The following WNK2 variants were observed in gnomAD, a reference collection of about 807,000 sequenced individuals.
WNK2 encodes serine/threonine-protein kinase WNK2.
Under a neutral mutation model 192.1 loss-of-function variants are expected in WNK2, and 67 were observed. That is an observed-to-expected ratio of 0.35 (90% CI 0.29 to 0.43). WNK2 has a LOEUF of 0.43. Ranked by LOEUF, WNK2 falls within the 20% of genes least tolerant of loss-of-function variation. WNK2 has a pLI of 1.00. For synonymous variants in WNK2, 1,439 were observed against 1,393.9 expected (o/e 1.03, Z -0.72); for missense variants, 2,698 against 3,089.7 (o/e 0.87, Z 3.01).
At position 93,237,857 on chromosome 9, in the gene WNK2, CTT is replaced by C. The variant is rs35498888; in HGVS notation, c.1234-363_1234-362del. Among the ~76,000 whole-genome samples the C allele has an allele frequency of 3.5e-3, 510 of 143,868 alleles. 1 individual carries two copies. Among genetic ancestry groups the C allele is most frequent in the African/African-American group, 9.8e-3 (387 of 39,364 alleles). 94.4% of individuals were successfully genotyped at this position (143,868 alleles called of 152,430 possible). On this transcript the variant is annotated intron_variant, in intron 5 of 29. Coordinates refer to ENST00000427277, the MANE Select transcript of WNK2 (RefSeq NM_006648.4). ...GACCAAGGTGCAGATACTTGGGGCT[CTT>C]TTTTTTTTTTTTGCTGTATGTTCTC...
At position 93,229,828 on chromosome 9, in the gene WNK2, G is replaced by T; in HGVS notation, c.814G>T (p.Val272Leu). ...CAGCGCCAAGGGCAAGCGGTGCATT[G>T]TGCTGGTGACGGAGCTGATGACCTC... ...ESSAKGKRCI[V>L]LVTELMTSGT... Residue 272 changes from valine (V) to leucine (L), a missense_variant, in exon 3 of 30, where the codon GTG becomes TTG. By Grantham distance (32) the Val-to-Leu change is conservative. This residue lies in a region of WNK2 where 230 missense variants were observed against 501.1 expected (regional missense o/e 0.46). Transcript: ENST00000427277. This position sits in a 1 kb window ranked among gnomAD's most constrained non-coding sequence, Gnocchi z 4.9. The T allele has an allele frequency of 6.2e-7, 1 of 1,613,940 alleles. No homozygotes were observed. The highest frequency in any genetic ancestry group is 8.5e-7 in the Non-Finnish European group (1 of 1,179,870).
At position 93,188,766 on chromosome 9, in the gene WNK2, C is replaced by T. The variant is rs530269560; in HGVS notation, c.681+3156C>T. ...CTGCCACCTGCCATAGCCGGCCCAG[C>T]TACCCTGGGGGTGCTGATCTGGGTC... On this transcript the variant is annotated intron_variant, in intron 2 of 29. Transcript: ENST00000427277. Among the ~76,000 whole-genome samples, 6 of 152,290 alleles carry T rather than the reference C, an allele frequency of 3.9e-5. No homozygotes were observed. The East Asian group carries it at 1.2e-3, about 29-fold the overall frequency.
chr9:93,195,022 TAAA>T (rs78816049), intron 2 of WNK2, among the ~76,000 whole-genome samples: 10 of 140,056 alleles, frequency 7.1e-5, no homozygotes, highest in African/African-American at 2.1e-4. Context: ...TGAAGACAGT[TAAA>T]AAAAAAAAAA....
chr9:93,259,587 T>G lies in WNK2; in HGVS notation c.3039T>G (p.Ala1013=). The part of the protein sequence containing the change: ...EPLQPHLPEQ[A]APAATPGSQI... ...TCCAGCCCCACCTTCCTGAACAAGC[T>G]GCTCCAGCTGCTACACCAGGGAGCC... is the stretch of plus-strand genomic sequence containing the variant. The change falls in exon 12 of 30, where the codon GCT becomes GCG. Residue 1013 remains alanine, a synonymous_variant. Transcript: ENST00000427277. This position sits in a 1 kb window ranked among gnomAD's most constrained non-coding sequence, Gnocchi z 4.8. The G allele has an allele frequency of 5.0e-6, 8 of 1,592,130 alleles. No homozygotes were observed. The highest frequency in any genetic ancestry group is 6.8e-6 in the Non-Finnish European group (8 of 1,176,560).
Position 93,300,069 on chromosome 9 carries a change from C to G in WNK2, c.6134C>G (p.Pro2045Arg), listed in dbSNP as rs1311970988. The change falls in exon 26 of 30, where the codon CCA (proline) becomes CGA (arginine). Residue 2045 changes from proline to arginine, a missense_variant. By Grantham distance (103) the Pro-to-Arg change is moderately radical (BLOSUM62 -2). Transcript: ENST00000427277. ...ARGQGWTVYH[P>R]TSERVTYKSS... The stretch of plus-strand genomic sequence containing the variant: ...TTTGCAGGCTGGACGGTTTACCACC[C>G]AACGTCTGAGAGAGTGACCTATAAG... 6.2e-7 allele frequency: 1 copy of G among 1,613,480 alleles called. No individual in the cohort carries two copies. The highest frequency in any genetic ancestry group is 8.5e-7 in the Non-Finnish European group (1 of 1,179,758).
At chr9:93,297,325 G>A (rs1850767486) in intron 23 of WNK2, among the ~76,000 whole-genome samples, 1 of 152,186 alleles carries the variant, frequency 6.6e-6, no homozygotes, top group South Asian at 2.1e-4. Flanking sequence ...GGTGATGTGG[G>A]ACCTGTGGCA....
chr9:93,256,502 A>T, intron 10 of WNK2, 48 bp downstream of exon 10: 1 of 1,470,684 alleles, frequency 6.8e-7, no homozygotes, highest in Non-Finnish European at 9.0e-7. Context: ...GCAGGCAGTC[A>T]CCTGTGCTGG....
rs768261736 is a variant in WNK2 at position 93,259,959 on chromosome 9, A to G, written c.3066+345A>G. 2.0e-5 allele frequency among the ~76,000 whole-genome samples: 3 copies of G among 152,196 alleles called. No homozygotes were observed. Among genetic ancestry groups the G allele is most frequent in the Non-Finnish European group, 4.4e-5 (3 of 68,022 alleles). On this transcript the variant is annotated intron_variant, in intron 12 of 29. Transcript: ENST00000427277. The surrounding 1 kb of genome is among the most constrained non-coding windows in gnomAD (Gnocchi z 4.8). ...CTTGGTGTGGCTTGCGTTGGGGCAC[A>G]GGTTGTCTGTCTGAGGTCCACCCTT...
At chr9:93,218,295 C>G (rs569976714) in intron 2 of WNK2, among the ~76,000 whole-genome samples, 8 of 152,332 alleles carry the variant, frequency 5.3e-5, no homozygotes, top group South Asian at 4.1e-4. Flanking sequence ...GCTGCTAACC[C>G]TGCTGACCTG....
At chr9:93,289,702 C>A in intron 20 of WNK2, 82 bp downstream of exon 20, 1 of 1,350,220 alleles carries the variant, frequency 7.4e-7, no homozygotes, top group South Asian at 1.5e-5. Flanking sequence ...GGGCAGGCAT[C>A]TTGGCTATGC....
At chr9:93,255,793 T>A (rs1032393796) in intron 9 of WNK2, among the ~76,000 whole-genome samples, 1 of 152,276 alleles carries the variant, frequency 6.6e-6, no homozygotes, top group South Asian at 2.1e-4. Context: ...ATTAACAAAT[T>A]CGCAGCAATT....
chr9:93,258,662 CA>C (rs1843697488), intron 11 of WNK2, among the ~76,000 whole-genome samples: 1 of 152,138 alleles, frequency 6.6e-6, no homozygotes, highest in African/African-American at 2.4e-5. Context: ...TGCGCTGGAC[CA>C]GGGGTGATCG....
intron 19 of WNK2, among the ~76,000 whole-genome samples, chr9:93,283,245 A>C (rs1324694108): frequency 6.6e-6 from 1 of 152,230 alleles, no homozygotes; most frequent in African/African-American, 2.4e-5. Flanking sequence ...TAGTGCAAAA[A>C]GTTAGCATAA....
At chr9:93,255,413 G>T (rs1004076111) in intron 9 of WNK2, among the ~76,000 whole-genome samples, 15 of 152,176 alleles carry the variant, frequency 9.9e-5, no homozygotes, top group African/African-American at 3.6e-4. Context: ...GGATGGTCCG[G>T]CCCAGTCAGG....
chr9:93,191,096 T>G (rs1291505154), intron 2 of WNK2, among the ~76,000 whole-genome samples: 1 of 151,854 alleles, frequency 6.6e-6, no homozygotes, highest in Non-Finnish European at 1.5e-5. Context: ...CACGACTGTG[T>G]CAGGCTCTGG....
At position 93,317,650 on chromosome 9, in the gene WNK2, TC is replaced by T; in HGVS notation, c.6628+22del. The T allele has an allele frequency of 6.2e-7, 1 of 1,608,396 alleles. No individual in the cohort carries two copies. ...ACACCAGGTACTGCCCTCTCCAACC[TC>T]CCAACCCCACCCTGTGCGCTGCCTC... On this transcript the variant is annotated intron_variant, in intron 29 of 29. Transcript: ENST00000427277.
chr9:93,274,084 AAAT>A (rs1366949968), intron 19 of WNK2, among the ~76,000 whole-genome samples: 1 of 152,226 alleles, frequency 6.6e-6, no homozygotes, highest in Non-Finnish European at 1.5e-5. Context: ...ATAATGAAGA[AAAT>A]AAAGACAAGA....
At chr9:93,310,448 A>AAAT (rs898860343) in intron 28 of WNK2, among the ~76,000 whole-genome samples, 28 of 150,944 alleles carry the variant, frequency 1.9e-4, no homozygotes, top group South Asian at 4.2e-4. Flanking sequence ...ATGGCAAAAA[A>AAAT]ATATATATAT....
intron 19 of WNK2, among the ~76,000 whole-genome samples, chr9:93,278,665 A>G (rs566405241): frequency 2.8e-4 from 42 of 152,312 alleles, no homozygotes; most frequent in Middle Eastern, 6.8e-3. Context: ...CCAGCACCCA[A>G]TATGTTAAAT....
Sources: allele counts gnomAD v4.1 joint callset (sites outside exome capture counted in the v4.1 genomes callset), GRCh38; gene constraint gnomAD v4.1.1; regional missense constraint gnomAD v4.1.1; non-coding constraint Gnocchi (gnomAD v3.1); transcripts MANE v1.5; gene names NCBI Gene and HGNC (gene_info 2026-07-23, HGNC 2026-07-21).